Variants in ULK4 observed in about 807,000 individuals in gnomAD.
ULK4 encodes the protein unc-51 like kinase 4, also known as inactive serine/threonine-protein kinase ULK4.
Under a neutral mutation model 160.6 loss-of-function variants are expected in ULK4, and 133 were observed. That is an observed-to-expected ratio of 0.83 (90% CI 0.72 to 0.96). The LOEUF (loss-of-function observed/expected upper bound fraction) is 0.96, where lower values mean the gene tolerates loss of function less well. Ranked by LOEUF, ULK4 falls within the 40% of genes least tolerant of loss-of-function variation. The pLI is 0.00. For synonymous variants in ULK4, 534 were observed against 539.8 expected, an observed-to-expected ratio of 0.99 and a Z score of 0.15; for missense variants, 1,580 against 1,499.5, an observed-to-expected ratio of 1.05 and a Z score of -0.89.
intron 31 of ULK4, among the ~76,000 whole-genome samples, chr3:41,590,846 G>A (rs748922062): frequency 1.3e-4 from 19 of 151,456 alleles, no homozygotes; most frequent in Non-Finnish European, 2.1e-4. Flanking sequence ...ATCATATCAA[G>A]CAGCCTAACA....
At chr3:41,339,647 C>T (rs766349175) in intron 35 of ULK4, among the ~76,000 whole-genome samples, 17 of 152,240 alleles carry the variant, frequency 1.1e-4, no homozygotes, top group Non-Finnish European at 2.5e-4. Flanking sequence ...GGGGCTTTTC[C>T]GATGAGGTAC....
intron 31 of ULK4, among the ~76,000 whole-genome samples, chr3:41,614,317 T>A (rs2032849724): frequency 6.6e-6 from 1 of 152,216 alleles, no homozygotes; most frequent in Non-Finnish European, 1.5e-5. Flanking sequence ...GTAGCTGAGT[T>A]TGGACAGCTT....
intron 35 of ULK4, among the ~76,000 whole-genome samples, chr3:41,284,496 A>G (rs943444156): frequency 6.6e-6 from 1 of 152,202 alleles, no homozygotes; most frequent in African/African-American, 2.4e-5. Flanking sequence ...AAGAGGGGAA[A>G]GGACACCCCT....
intron 22 of ULK4, among the ~76,000 whole-genome samples, chr3:41,727,105 A>G (rs957623272): frequency 1.3e-5 from 2 of 152,130 alleles, no homozygotes; most frequent in African/African-American, 4.8e-5. Flanking sequence ...TCCTATGCGC[A>G]TTGCACACAC....
At chr3:41,360,474 C>T (rs1231383698) in intron 35 of ULK4, among the ~76,000 whole-genome samples, 3 of 152,144 alleles carry the variant, frequency 2.0e-5, no homozygotes, top group African/African-American at 7.2e-5. Context: ...TGTATGCTCA[C>T]TGCAGCGCCA....
intron 19 of ULK4, among the ~76,000 whole-genome samples, chr3:41,808,750 G>GC (rs1218784181): frequency 6.6e-6 from 1 of 152,168 alleles, no homozygotes; most frequent in Non-Finnish European, 1.5e-5. Context: ...ACTTAGGCAG[G>GC]CCGTTAGCCT....
chr3:41,911,648 A>G lies in ULK4; in HGVS notation c.908T>C (p.Met303Thr), dbSNP rs1275589958. 5 of 1,611,970 alleles carry G rather than the reference A, an allele frequency of 3.1e-6. No individual in the cohort carries two copies. The highest frequency in any genetic ancestry group is 1.7e-5 in the Admixed American group (1 of 59,960). Residue 303 changes from methionine (M) to threonine (T), a missense_variant, in exon 10 of 37, where the codon ATG becomes ACG. Physicochemically the swap from Met to Thr is moderately conservative, Grantham distance 81 (BLOSUM62 -1). Coordinates refer to ENST00000301831, the MANE Select transcript of ULK4 (RefSeq NM_017886.4). ...VEDLSLSRNT[M>T]ECSGPQDSKE... ...GGAATCTTGTGGCCCAGAACACTCC[A>G]TAGTGTTTCTGCTATTATTGGAGAA...
chr3:41,816,579 C>A (rs1304294235), intron 19 of ULK4, among the ~76,000 whole-genome samples: 1 of 152,074 alleles, frequency 6.6e-6, no homozygotes, highest in Non-Finnish European at 1.5e-5. Flanking sequence ...CTCTGGGAGG[C>A]CGAGGGAGGT....
rs750582204 is a variant in ULK4, at chr3:41,703,020, A to ATT, written c.2781+2035_2781+2036dup. ...AGGCACACACCACCATGCCCAGCTA[A>ATT]TTTTTGTATTTTCAGTAGAGACGGG... On this transcript the variant is annotated intron_variant, in intron 27 of 36. Transcript: ENST00000301831. 1.4e-3 allele frequency among the ~76,000 whole-genome samples: 209 copies of ATT among 151,736 alleles called. 1 individual carries two copies. The highest frequency in any genetic ancestry group is 6.0e-4 in the Non-Finnish European group (41 of 67,946).
chr3:41,539,024 T>C (rs2125950032), intron 32 of ULK4, among the ~76,000 whole-genome samples: 1 of 133,184 alleles, frequency 7.5e-6, no homozygotes, highest in Middle Eastern at 4.0e-3. Context: ...TTCATAACAA[T>C]CTTTTTCTTA....
intron 18 of ULK4, among the ~76,000 whole-genome samples, chr3:41,822,782 C>A (rs2041189447): frequency 7.3e-6 from 1 of 137,392 alleles, no homozygotes; most frequent in African/African-American, 2.9e-5. Flanking sequence ...AGTGCAGTGG[C>A]AACATCTTGG....
chr3:41,590,104 G>A (rs1395571239), intron 31 of ULK4, among the ~76,000 whole-genome samples: 2 of 151,666 alleles, frequency 1.3e-5, no homozygotes, highest in Non-Finnish European at 1.5e-5. Context: ...CCGGATTCAC[G>A]CCATTCTCCT....
intron 35 of ULK4, among the ~76,000 whole-genome samples, chr3:41,278,381 A>C (rs1378122153): frequency 6.6e-6 from 1 of 152,218 alleles, no homozygotes; most frequent in African/African-American, 2.4e-5. Context: ...GCTGAACAAA[A>C]GGCAGCAGAC....
At position 41,938,096 on chromosome 3, in the gene ULK4, A is replaced by C; in HGVS notation, c.238+2T>G. ...TAGCACTTTTTACATACTCTTTCTT[A>C]CCTGTGCAGAGTTCCACCACTAGCC... On this transcript the variant is annotated splice_donor_variant, in intron 3 of 36. Transcript: ENST00000301831. LOFTEE classifies it high-confidence loss of function. 6.3e-7 allele frequency: 1 copy of C among 1,599,992 alleles called. No individual in the cohort carries two copies. The highest frequency in any genetic ancestry group is 8.5e-7 in the Non-Finnish European group (1 of 1,172,210).
chr3:41,291,833 T>C (rs1268504325), intron 35 of ULK4, among the ~76,000 whole-genome samples: 9 of 150,864 alleles, frequency 6.0e-5, no homozygotes, highest in African/African-American at 2.2e-4. Flanking sequence ...GATGTTCTTT[T>C]TTTTTTTTTT....
At chr3:41,444,977 T>C (rs58119509) in intron 34 of ULK4, among the ~76,000 whole-genome samples, 1,710 of 152,252 alleles carry the variant, frequency 0.011, 23 homozygotes, top group African/African-American at 0.037. Context: ...GAAAACCCCA[T>C]TGTCTCAGCC....
chr3:41,397,580 T>A (rs937177947), intron 35 of ULK4, among the ~76,000 whole-genome samples: 1 of 152,006 alleles, frequency 6.6e-6, no homozygotes, highest in Non-Finnish European at 1.5e-5. Flanking sequence ...GCCTATAATC[T>A]TCAAAAATAT....
intron 35 of ULK4, among the ~76,000 whole-genome samples, chr3:41,305,580 C>T (rs1312115801): frequency 6.6e-6 from 1 of 152,214 alleles, no homozygotes; most frequent in Admixed American, 6.5e-5. Context: ...CAACGTCCAC[C>T]TCCCAGCCGC....
At chr3:41,470,104 C>A (rs1274909559) in intron 32 of ULK4, among the ~76,000 whole-genome samples, 1 of 147,372 alleles carries the variant, frequency 6.8e-6, no homozygotes, top group Non-Finnish European at 1.5e-5. Flanking sequence ...GGGATAGATG[C>A]CAACATTCAG....
Sources: allele counts gnomAD v4.1 joint callset (sites outside exome capture counted in the v4.1 genomes callset), GRCh38; gene constraint gnomAD v4.1.1; transcripts MANE v1.5; gene names NCBI Gene and HGNC (gene_info 2026-07-23, HGNC 2026-07-21).